LPP: variants seen among roughly 807,000 people sequenced by gnomAD.
LPP encodes the protein LIM domain containing preferred translocation partner in lipoma.
Under a neutral mutation model 60.4 loss-of-function variants are expected in LPP, and 38 were observed. That is an observed-to-expected ratio of 0.63 (90% CI 0.49 to 0.83). The LOEUF (loss-of-function observed/expected upper bound fraction) is 0.83, where lower values mean the gene tolerates loss of function less well. LPP is among the 40% of genes least tolerant of loss of function. The pLI is 0.00. For missense variants in LPP, 902 were observed against 783.6 expected (o/e 1.15, Z -1.80); for synonymous variants, 328 against 290.8 (o/e 1.13, Z -1.30).
intron 9 of LPP, among the ~76,000 whole-genome samples, chr3:188,812,893 T>A (rs1287194756): frequency 6.6e-6 from 1 of 152,038 alleles, no homozygotes; most frequent in Non-Finnish European, 1.5e-5. Context: ...GGGAAAAAAT[T>A]ACACTTTTTT....
intron 9 of LPP, among the ~76,000 whole-genome samples, chr3:188,824,570 C>T (rs976955982): frequency 6.6e-6 from 1 of 151,934 alleles, no homozygotes; most frequent in Non-Finnish European, 1.5e-5. Context: ...GATGGTATCA[C>T]CTTGAGTTGG....
intron 4 of LPP, among the ~76,000 whole-genome samples, chr3:188,463,775 G>C (rs1799704073): frequency 6.6e-6 from 1 of 152,176 alleles, no homozygotes; most frequent in Admixed American, 6.5e-5. Context: ...TGATGAGGCA[G>C]AGAACGGTCA....
intron 7 of LPP, among the ~76,000 whole-genome samples, chr3:188,665,167 A>G (rs1473377175): frequency 6.6e-6 from 1 of 152,208 alleles, no homozygotes; most frequent in East Asian, 1.9e-4. Flanking sequence ...TAGACTTATC[A>G]TTATAATGAA....
At chr3:188,808,617 C>T (rs1749916533) in intron 9 of LPP, among the ~76,000 whole-genome samples, 1 of 152,108 alleles carries the variant, frequency 6.6e-6, no homozygotes, top group African/African-American at 2.4e-5. Flanking sequence ...CTGTTCCGCT[C>T]CTGAAGCCTG....
chr3:188,769,032 G>A (rs1338132631), intron 9 of LPP, among the ~76,000 whole-genome samples: 1 of 152,034 alleles, frequency 6.6e-6, no homozygotes. Context: ...TTAGTAAGCT[G>A]ACAATATAAA....
At chr3:188,368,680 TCTCACACACACACACA>T (rs1212074281) in intron 3 of LPP, among the ~76,000 whole-genome samples, 2 of 95,288 alleles carry the variant, frequency 2.1e-5, no homozygotes, top group African/African-American at 8.3e-5. Context: ...ACACACACAC[TCTCACACACACACACA>T]CACACACACA....
chr3:188,255,341 A>T (rs1265437767), intron 2 of LPP, among the ~76,000 whole-genome samples: 1 of 152,234 alleles, frequency 6.6e-6, no homozygotes, highest in Non-Finnish European at 1.5e-5. Flanking sequence ...ACCAGGTCAT[A>T]AAGCTAGTGT....
chr3:188,420,103 A>G (rs532726123), intron 4 of LPP, among the ~76,000 whole-genome samples: 2 of 152,122 alleles, frequency 1.3e-5, no homozygotes, highest in African/African-American at 4.8e-5. Flanking sequence ...TCTGATTATA[A>G]AATTTTAATT....
In LPP at chr3:188,800,418, T is replaced by A. The variant is rs56275103; in HGVS notation, c.1410+40136T>A. ...CTGCCACCACGCCCGGCTAATTTTT[T>A]GTATTTTTAGTAGAGGTGGGGTTTC... On this transcript the variant is annotated intron_variant, in intron 9 of 11. Coordinates refer to ENST00000617246, the MANE Select transcript of LPP (RefSeq NM_001375462.1). 7.8e-3 allele frequency among the ~76,000 whole-genome samples: 1,189 copies of A among 152,020 alleles called. 13 individuals carry two copies. Among genetic ancestry groups the A allele is most frequent in the African/African-American group, 0.027 (1,120 of 41,452 alleles).
intron 6 of LPP, among the ~76,000 whole-genome samples, chr3:188,573,638 C>A (rs1461662780): frequency 6.6e-6 from 1 of 152,118 alleles, no homozygotes; most frequent in Admixed American, 6.5e-5. Context: ...TATCAATGAT[C>A]AATACACAAT....
intron 9 of LPP, among the ~76,000 whole-genome samples, chr3:188,772,432 A>C (rs540402031): frequency 1.3e-5 from 2 of 152,318 alleles, no homozygotes; most frequent in South Asian, 4.1e-4. Context: ...GACACACTCC[A>C]GTACTGACAG....
intron 3 of LPP, among the ~76,000 whole-genome samples, chr3:188,343,417 T>C (rs902143827): frequency 5.3e-5 from 8 of 152,232 alleles, no homozygotes; most frequent in Admixed American, 2.6e-4. Flanking sequence ...TCTAATGTTT[T>C]ATTTTTACGG....
rs71169023 is a variant in LPP, at chr3:188,841,393, G to GTTTTTTTTTTTT, written c.1411-24801_1411-24790dup. Among the ~76,000 whole-genome samples, 14 of 112,862 alleles carry GTTTTTTTTTTTT rather than the reference G, an allele frequency of 1.2e-4. 1 individual carries two copies. The highest frequency in any genetic ancestry group is 6.6e-4 in the East Asian group (2 of 3,016). The allele number at this position is 112,862 out of a possible 152,430, so 74.0% of individuals were successfully genotyped here. A position where few individuals can be genotyped will look rare whatever the true frequency, so the allele number is the denominator to read the frequency against. On this transcript the variant is annotated intron_variant, in intron 9 of 11. Coordinates refer to ENST00000617246, the MANE Select transcript of LPP (RefSeq NM_001375462.1). ...TTGGTCACCTGCCCTTTCTGAATTT[G>GTTTTTTTTTTTT]TTTTTTTTTTTTTTTTTGAGATGGA...
chr3:188,442,620 A>C (rs917653821), intron 4 of LPP, among the ~76,000 whole-genome samples: 10 of 152,160 alleles, frequency 6.6e-5, no homozygotes, highest in African/African-American at 2.4e-4. Flanking sequence ...CTGTAGCATG[A>C]AGCCAACTGA....
intron 3 of LPP, among the ~76,000 whole-genome samples, chr3:188,346,828 C>T (rs912817611): frequency 6.6e-6 from 1 of 152,078 alleles, no homozygotes; most frequent in African/African-American, 2.4e-5. Flanking sequence ...CATACATTTC[C>T]TTTTGCTGTT....
At chr3:188,381,052 C>G (rs139415679) in intron 3 of LPP, among the ~76,000 whole-genome samples, 1 of 152,290 alleles carries the variant, frequency 6.6e-6, no homozygotes, top group Non-Finnish European at 1.5e-5. Flanking sequence ...TTGCACTATT[C>G]TAGTTTACCT....
At chr3:188,336,871 C>T (rs942696286) in intron 2 of LPP, among the ~76,000 whole-genome samples, 2 of 152,130 alleles carry the variant, frequency 1.3e-5, no homozygotes, top group African/African-American at 4.8e-5. Flanking sequence ...AGCGATGGCA[C>T]CAATTCACCA....
At chr3:188,686,778 T>C (rs1860832844) in intron 7 of LPP, among the ~76,000 whole-genome samples, 1 of 152,186 alleles carries the variant, frequency 6.6e-6, no homozygotes, top group South Asian at 2.1e-4. Flanking sequence ...AGAATCAACA[T>C]AAAACAAGCA....
rs1770993045 is a variant in LPP, at chr3:188,889,147, C to CA, written c.*14671dup. On this transcript the variant is annotated 3_prime_UTR_variant, in exon 12 of 12. Transcript: ENST00000617246. ...TGTGGGGATTGGAAGCTCAGGGGGC[C>CA]AAATGTCCTTGCCAGATCCTTAGAG... 4.4e-6 allele frequency: 1 copy of CA among 227,580 alleles called. No individual in the cohort carries two copies. Among genetic ancestry groups the CA allele is most frequent in the African/African-American group, 2.2e-5 (1 of 45,010 alleles). The allele number at this position is 227,580 out of a possible 1,614,324, so 14.1% of individuals were successfully genotyped here. A position where few individuals can be genotyped will look rare whatever the true frequency, so the allele number is the denominator to read the frequency against.
Sources: gnomAD v4.1 joint callset for allele counts (sites outside exome capture counted in the v4.1 genomes callset) on GRCh38, gnomAD v4.1.1 for gene constraint, MANE v1.5 for transcripts, NCBI Gene and HGNC (gene_info 2026-07-23, HGNC 2026-07-21) for gene names.